OTUD4: variants seen among roughly 807,000 people sequenced by gnomAD.
OTUD4 encodes OTU deubiquitinase 4.
Under a neutral mutation model 130.4 loss-of-function variants are expected in OTUD4, and 24 were observed. The ratio of observed to expected loss-of-function variants is 0.18; its 90% CI spans 0.13 to 0.26. The LOEUF is 0.26. Among genes scored for constraint, OTUD4 ranks in the 10% least tolerant of loss-of-function variants. The pLI is 1.00. For synonymous variants in OTUD4, 420 were observed against 472.5 expected (o/e 0.89, Z 1.44); for missense variants, 1,031 against 1,329.4 (o/e 0.78, Z 3.49).
At chr4:145,152,869 T>A (rs976636602) in intron 10 of OTUD4, among the ~76,000 whole-genome samples, 1 of 151,454 alleles carries the variant, frequency 6.6e-6, no homozygotes, top group Non-Finnish European at 1.5e-5. Flanking sequence ...CACAGGTGTG[T>A]GACACCACAC....
At chr4:145,156,355 A>G (rs1459214819) in intron 7 of OTUD4, among the ~76,000 whole-genome samples, 1 of 152,250 alleles carries the variant, frequency 6.6e-6, no homozygotes, top group Non-Finnish European at 1.5e-5. Flanking sequence ...CAACAAAAGT[A>G]TCCATAGGCA....
chr4:145,157,232 G>C (rs1049400491), intron 7 of OTUD4, among the ~76,000 whole-genome samples: 1 of 152,184 alleles, frequency 6.6e-6, no homozygotes, highest in African/African-American at 2.4e-5. Flanking sequence ...AATGAGTGTT[G>C]AGATGTAGGC....
chr4:145,147,539 AT>A, intron 13 of OTUD4, among the ~76,000 whole-genome samples: 1 of 152,324 alleles, frequency 6.6e-6, no homozygotes, highest in East Asian at 1.9e-4. Flanking sequence ...TATGGCCTTC[AT>A]CTCATCCTCA....
chr4:145,176,405 GCCGGGC>G (rs1311866146), intron 1 of OTUD4, among the ~76,000 whole-genome samples: 1 of 151,608 alleles, frequency 6.6e-6, no homozygotes, highest in East Asian at 1.9e-4. Context: ...ACAGATCCTG[GCCGGGC>G]ACTGTGGCTC....
chr4:145,174,568 G>T, intron 2 of OTUD4, 93 bp downstream of exon 2: 1 of 723,338 alleles, frequency 1.4e-6, no homozygotes, highest in Non-Finnish European at 2.6e-6. Flanking sequence ...CCCGCATTAA[G>T]ATCCAGCCTG....
chr4:145,143,796 C>T, intron 16 of OTUD4, 150 bp downstream of exon 16: 2 of 637,118 alleles, frequency 3.1e-6, no homozygotes, highest in Non-Finnish European at 5.5e-6. Context: ...AGTGACTTCT[C>T]AATCCCCATC....
chr4:145,179,725 G>A (rs1282934416), intron 1 of OTUD4, 90 bp downstream of exon 1: 2 of 1,430,848 alleles, frequency 1.4e-6, no homozygotes, highest in Admixed American at 2.8e-5. Flanking sequence ...GGCCGTGGGC[G>A]GCCCGGACAG....
intron 1 of OTUD4, 91 bp downstream of exon 1, chr4:145,179,724 C>A (rs1752599809): frequency 2.1e-6 from 3 of 1,427,556 alleles, no homozygotes; most frequent in African/African-American, 1.5e-5. Flanking sequence ...CGGCCGTGGG[C>A]GGCCCGGACA....
chr4:145,141,682 A>T, intron 18 of OTUD4, 43 bp from the exon 19 acceptor site: 1 of 1,481,258 alleles, frequency 6.8e-7, no homozygotes, highest in Non-Finnish European at 9.0e-7. Flanking sequence ...AAAAGATGAA[A>T]ATCTCTACAA....
chr4:145,180,432 G>T lies in OTUD4; in HGVS notation c.-459C>A, dbSNP rs1023978227. The stretch of plus-strand genomic sequence containing the variant: ...CGCCCCCGCGCACTCCCCACGCCGG[G>T]AGCCGAGGAAACCAAAAAGAAAGAC... On this transcript the variant is annotated 5_prime_UTR_variant, in exon 1 of 21. Transcript: ENST00000447906. 1.3e-5 allele frequency among the ~76,000 whole-genome samples: 2 copies of T among 152,224 alleles called. No individual in the cohort carries two copies. Among genetic ancestry groups the T allele is most frequent in the Admixed American group, 6.5e-5 (1 of 15,292 alleles).
Position 145,179,970 on chromosome 4 carries a change from C to G in OTUD4, c.4G>C (p.Glu2Gln). 6.6e-7 allele frequency: 1 copy of G among 1,517,910 alleles called. No homozygotes were observed. Among genetic ancestry groups the G allele is most frequent in the Non-Finnish European group, 8.8e-7 (1 of 1,140,310 alleles). The allele number at this position is 1,517,910 out of a possible 1,614,324, so 94.0% of individuals were successfully genotyped here. A position where few individuals can be genotyped will look rare whatever the true frequency, so the allele number is the denominator to read the frequency against. ...CCGTCGGGGACGCCGACGGCAGCCT[C>G]CATGTTGCTGGTCCTGCTGCAGGCC... M[E>Q]AAVGVPDGGD... is the part of the protein sequence containing the mutation. Residue 2 changes from glutamate to glutamine, a missense_variant, in exon 1 of 21, where the codon GAG becomes CAG. Transcript: ENST00000447906.
At position 145,150,836 on chromosome 4, in the gene OTUD4, T is replaced by A. The variant is rs766808965; in HGVS notation, c.1038A>T (p.Lys346Asn). The A allele has an allele frequency of 6.2e-7, 1 of 1,613,966 alleles. No homozygotes were observed. Among genetic ancestry groups the A allele is most frequent in the East Asian group, 2.2e-5 (1 of 44,882 alleles). The change falls in exon 12 of 21, where the codon AAA (lysine) becomes AAT (asparagine). Residue 346 changes from lysine to asparagine, a missense_variant. Lys to Asn is a moderately conservative substitution (Grantham distance 94, BLOSUM62 0). Coordinates refer to ENST00000447906, the MANE Select transcript of OTUD4 (RefSeq NM_001366057.1). ...SWNTVSGKKMKKPSTSGQNFH... is the reference protein window; with the variant it reads ...SWNTVSGKKMNKPSTSGQNFH... ...AATTTTGTCCAGAAGTGGAAGGTTT[T>A]TTCATCTTCTTCCCTGACACTGTGT... is the stretch of plus-strand genomic sequence containing the variant.
intron 3 of OTUD4, chr4:145,171,421 T>C: frequency 2.7e-6 from 1 of 367,368 alleles, no homozygotes; most frequent in Middle Eastern, 7.5e-4. Context: ...TTTCAGATTT[T>C]TATACTACAT....
At chr4:145,171,621 A>G (rs202117880) in intron 3 of OTUD4, 49 bp downstream of exon 3, 45 of 803,782 alleles carry the variant, frequency 5.6e-5, no homozygotes, top group African/African-American at 5.2e-4. Flanking sequence ...TTTTAAATAC[A>G]TTATTTGGAT....
In OTUD4 at chr4:145,138,660, C is replaced by T. The variant is rs749388482; in HGVS notation, c.2125-10G>A. The T allele has an allele frequency of 3.4e-5, 54 of 1,572,734 alleles. No homozygotes were observed. The highest frequency in any genetic ancestry group is 4.4e-5 in the Non-Finnish European group (51 of 1,164,324). Reference sequence around the variant, plus strand: ...TAGGACAACTGTATGCCTGAAGAGACAAAAAACAGTTAAATAAACAAAAGA... The same window carrying T: ...TAGGACAACTGTATGCCTGAAGAGATAAAAAACAGTTAAATAAACAAAAGA... On this transcript the variant is annotated splice_polypyrimidine_tract_variant and intron_variant, in intron 20 of 20. Coordinates refer to ENST00000447906, the MANE Select transcript of OTUD4 (RefSeq NM_001366057.1).
chr4:145,147,531 T>TG (rs1249330208), intron 13 of OTUD4, among the ~76,000 whole-genome samples: 1 of 152,200 alleles, frequency 6.6e-6, no homozygotes, highest in Non-Finnish European at 1.5e-5. Flanking sequence ...CACTACTATA[T>TG]GGCCTTCATC....
intron 11 of OTUD4, 21 bp downstream of exon 11, chr4:145,152,520 T>C (rs1324050012): frequency 3.0e-6 from 4 of 1,350,574 alleles, no homozygotes; most frequent in Non-Finnish European, 4.2e-6. Context: ...GTAAATGCCT[T>C]AGCTGAAGAG....
At chr4:145,175,998 C>A (rs1752402714) in intron 1 of OTUD4, among the ~76,000 whole-genome samples, 1 of 151,934 alleles carries the variant, frequency 6.6e-6, no homozygotes, top group African/African-American at 2.4e-5. Context: ...TCCCGAGTAG[C>A]CGGATTACAG....
chr4:145,144,045 C>CAT, intron 15 of OTUD4, 44 bp from the exon 16 acceptor site: 1 of 1,427,030 alleles, frequency 7.0e-7, no homozygotes, highest in Non-Finnish European at 9.8e-7. Flanking sequence ...AGCCACCAGT[C>CAT]ATGTCTGAAC....
Sources: gnomAD v4.1 joint callset for allele counts (sites outside exome capture counted in the v4.1 genomes callset) on GRCh38, gnomAD v4.1.1 for gene constraint, MANE v1.5 for transcripts, NCBI Gene and HGNC (gene_info 2026-07-23, HGNC 2026-07-21) for gene names.